MAN1B1: variants seen among roughly 807,000 people sequenced by gnomAD.
MAN1B1 encodes the protein mannosidase alpha class 1B member 1, also known as endoplasmic reticulum mannosyl-oligosaccharide 1,2-alpha-mannosidase.
A neutral mutation model predicts 75.5 loss-of-function variants in MAN1B1; 66 were observed. The ratio of observed to expected loss-of-function variants is 0.87; its 90% CI spans 0.72 to 1.07. The LOEUF (loss-of-function observed/expected upper bound fraction) is 1.07. MAN1B1 is among the 50% of genes least tolerant of loss of function. The pLI, the probability that MAN1B1 is intolerant of heterozygous loss-of-function variation, is 0.00. For missense variants in MAN1B1, 973 were observed against 912.5 expected, an observed-to-expected ratio of 1.07 and a Z score of -0.85; for synonymous variants, 453 against 382.8, an observed-to-expected ratio of 1.18 and a Z score of -2.14.
chr9:137,095,373 TA>T (rs1272042411), intron 3 of MAN1B1, among the ~76,000 whole-genome samples: 504 of 144,830 alleles, frequency 3.5e-3, no homozygotes, highest in African/African-American at 0.01. Context: ...TTTCCTTTTT[TA>T]AAAAAAAAAA....
At chr9:137,097,318 G>A (rs1321109512) in intron 4 of MAN1B1, among the ~76,000 whole-genome samples, 4 of 152,182 alleles carry the variant, frequency 2.6e-5, no homozygotes, top group Admixed American at 6.5e-5. Flanking sequence ...GAGAACGCTC[G>A]GGCCCAGCCA....
intron 8 of MAN1B1, 125 bp downstream of exon 8, chr9:137,101,797 ACACAAAACG>A (rs1324593656): frequency 1.7e-6 from 2 of 1,171,070 alleles, no homozygotes; most frequent in Non-Finnish European, 1.2e-6. Context: ...GTGATAAAAC[ACACAAAACG>A]CACCACCTTA....
Position 137,096,395 on chromosome 9 carries a change from C to T in MAN1B1, c.620+4C>T. 1 of 1,613,332 alleles carries T rather than the reference C, an allele frequency of 6.2e-7. No individual in the cohort carries two copies. ...ATCCGCAGAGGACAGTCATCAGGTA[C>T]AGAGCGCAGGGCAGGCTGCACGCCG... On this transcript the variant is annotated splice_donor_region_variant and intron_variant, in intron 4 of 12. Coordinates refer to ENST00000371589, the MANE Select transcript of MAN1B1 (RefSeq NM_016219.5).
intron 3 of MAN1B1, chr9:137,089,256 TTCCTC>T (rs1231444985): frequency 3.8e-5 from 20 of 529,316 alleles, no homozygotes; most frequent in Admixed American, 1.2e-4. Context: ...ACAGACCTGT[TTCCTC>T]TCAAGAGGCC....
At chr9:137,103,703 C>G in intron 8 of MAN1B1, 1 of 433,350 alleles carries the variant, frequency 2.3e-6, no homozygotes, top group Admixed American at 2.6e-5. Context: ...CACACTGTTG[C>G]AGGCGTGCAG....
rs772161635 is a variant in MAN1B1, at chr9:137,097,922, A to ACACAGGG, written c.720_726dup (p.Pro243GlyfsTer15). 5 of 1,557,018 alleles carry ACACAGGG rather than the reference A, an allele frequency of 3.2e-6. No homozygotes were observed. In the African/African-American group the frequency reaches 6.8e-5, roughly 21 times the overall value. ...CAAGCCTCCCCTGCCACCGGCCAGGACACAGGGCACACCAGGTGAGGCCAC... is the reference window on the plus strand; with the variant it reads ...CAAGCCTCCCCTGCCACCGGCCAGGACACAGGGCACAGGGCACACCAGGTGAGGCCAC... On this transcript the variant is annotated frameshift_variant, in exon 5 of 13. Coordinates refer to ENST00000371589, the MANE Select transcript of MAN1B1 (RefSeq NM_016219.5). LOFTEE classifies it high-confidence loss of function.
At chr9:137,103,941 A>G (rs1831000021) in intron 8 of MAN1B1, 1 of 450,766 alleles carries the variant, frequency 2.2e-6, no homozygotes, top group Non-Finnish European at 4.5e-6. Context: ...ATGCTGTTGC[A>G]GGCGTGCAGG....
At chr9:137,099,948 G>A in intron 6 of MAN1B1, 67 bp downstream of exon 6, 1 of 1,576,642 alleles carries the variant, frequency 6.3e-7, no homozygotes, top group Non-Finnish European at 8.7e-7. Context: ...GGCAGAGTGT[G>A]GGTTGCACAC....
Position 137,096,233 on chromosome 9 carries a change from A to G in MAN1B1, c.466-4A>G, listed in dbSNP as rs766062319. The G allele has an allele frequency of 9.3e-6, 15 of 1,614,030 alleles. No individual in the cohort carries two copies. The highest frequency in any genetic ancestry group is 4.4e-5 in the South Asian group (4 of 91,090). The stretch of plus-strand genomic sequence containing the variant: ...GATTTCCTGTGTGACCAATTTCTCT[A>G]CAGAAGACACAAAGACACATCCAGC... On this transcript the variant is annotated splice_polypyrimidine_tract_variant and splice_region_variant and intron_variant, in intron 3 of 12. Transcript: ENST00000371589.
chr9:137,109,036 C>T lies in MAN1B1; in HGVS notation c.*445C>T, dbSNP rs1319355690. On this transcript the variant is annotated 3_prime_UTR_variant, in exon 13 of 13. Coordinates refer to ENST00000371589, the MANE Select transcript of MAN1B1 (RefSeq NM_016219.5). ...ACTCCAGAGGCCTGAGGCTCCAGGG[C>T]TGGCTCTGGTGTTTACAAGCTGGAC... The T allele has an allele frequency of 2.2e-6, 1 of 458,490 alleles. No homozygotes were observed. The highest frequency in any genetic ancestry group is 2.3e-5 in the Admixed American group (1 of 42,596). 28.4% of individuals were successfully genotyped at this position (458,490 alleles called of 1,614,324 possible).
rs373009338 is a variant in MAN1B1 at position 137,088,678 on chromosome 9, G to T, written c.329-191G>T. 475 of 750,556 alleles carry T rather than the reference G, an allele frequency of 6.3e-4. 6 individuals are homozygous for T. In the African/African-American group the frequency reaches 7.4e-3, roughly 12 times the overall value. 46.5% of individuals were successfully genotyped at this position (750,556 alleles called of 1,614,324 possible). A position where few individuals can be genotyped will look rare whatever the true frequency, so the allele number is the denominator to read the frequency against. ...ATGTGGGGTTCTGTGTTATGGACAA[G>T]GACACAAACTGCCAAGTGTTTTGAA... On this transcript the variant is annotated intron_variant, in intron 2 of 12. Coordinates refer to ENST00000371589, the MANE Select transcript of MAN1B1 (RefSeq NM_016219.5).
In MAN1B1 at chr9:137,108,423, C is replaced by T. The variant is rs34355967; in HGVS notation, c.1932C>T (p.Val644=). Residue 644 remains valine, a synonymous_variant, in exon 13 of 13, where the codon GTC becomes GTT. Coordinates refer to ENST00000371589, the MANE Select transcript of MAN1B1 (RefSeq NM_016219.5). ...GTGGCTATTCTTCCATCAACAATGT[C>T]CAGGATCCTCAGAAGCCCGAGCCTA... is the stretch of plus-strand genomic sequence containing the variant. ...PSGGYSSINN[V]QDPQKPEPRD... is the part of the protein sequence containing the mutation. The T allele has an allele frequency of 0.012, 20,080 of 1,613,816 alleles. 162 individuals carry two copies. The highest frequency in any genetic ancestry group is 0.015 in the Non-Finnish European group (17,677 of 1,180,006).
Position 137,101,003 on chromosome 9 carries a change from A to G in MAN1B1, c.917-2A>G. On this transcript the variant is annotated splice_acceptor_variant, in intron 6 of 12. Transcript: ENST00000371589. LOFTEE classifies it high-confidence loss of function. ...TGCATCCTTTACTGTTTTATGTCAT[A>G]GAATTTGAGGAAGCCAGGAAGTGGG... The G allele has an allele frequency of 6.2e-7, 1 of 1,614,192 alleles. No homozygotes were observed. Among genetic ancestry groups the G allele is most frequent in the African/African-American group, 1.3e-5 (1 of 75,068 alleles).
In MAN1B1 at chr9:137,108,393, C is replaced by G; in HGVS notation, c.1902C>G (p.Pro634=). 6.2e-7 allele frequency: 1 copy of G among 1,613,610 alleles called. No individual in the cohort carries two copies. The highest frequency in any genetic ancestry group is 8.5e-7 in the Non-Finnish European group (1 of 1,179,968). Residue 634 remains proline, a synonymous_variant, in exon 13 of 13, where the codon CCC becomes CCG. Coordinates refer to ENST00000371589, the MANE Select transcript of MAN1B1 (RefSeq NM_016219.5). ...AGGCCCTGGCTGCTGCACAGGTCCC[C>G]TCGGGTGGCTATTCTTCCATCAACA... The part of the protein sequence containing the change: ...LQSFSRFTRV[P]SGGYSSINNV...
intron 3 of MAN1B1, among the ~76,000 whole-genome samples, chr9:137,094,649 C>T (rs556827872): frequency 1.7e-4 from 25 of 147,140 alleles, no homozygotes; most frequent in Admixed American, 1.3e-3. Flanking sequence ...GAGGCTGAGA[C>T]GGGTGGATTG....
intron 8 of MAN1B1, 69 bp downstream of exon 8, chr9:137,101,741 CT>C: frequency 1.4e-6 from 2 of 1,465,952 alleles, no homozygotes; most frequent in Non-Finnish European, 1.9e-6. Flanking sequence ...ACAGCAGGTA[CT>C]GTGTGTGTGT....
rs940541814 is a variant in MAN1B1 at position 137,088,480 on chromosome 9, T to A, written c.328+297T>A. On this transcript the variant is annotated intron_variant, in intron 2 of 12. Coordinates refer to ENST00000371589, the MANE Select transcript of MAN1B1 (RefSeq NM_016219.5). ...CACTCAGCCTAAATAACCACACAAATTTCGTAGCACTCATTAGCGTGTGTT... is the reference window on the plus strand; with the variant it reads ...CACTCAGCCTAAATAACCACACAAAATTCGTAGCACTCATTAGCGTGTGTT... The A allele has an allele frequency of 2.8e-6, 4 of 1,438,430 alleles. No homozygotes were observed. The African/African-American group carries it at 5.6e-5, about 20-fold the overall frequency. The allele number at this position is 1,438,430 out of a possible 1,614,324, so 89.1% of individuals were successfully genotyped here.
intron 8 of MAN1B1, chr9:137,103,046 G>C (rs1830930556): frequency 2.3e-6 from 1 of 434,516 alleles, no homozygotes; most frequent in Non-Finnish European, 4.5e-6. Flanking sequence ...TCACACTGTT[G>C]CAGGCGTGCA....
Position 137,087,025 on chromosome 9 carries a change from G to C in MAN1B1, c.26G>C (p.Ser9Thr), listed in dbSNP as rs140568381. 948 of 1,601,582 alleles carry C rather than the reference G, an allele frequency of 5.9e-4. 1 individual carries two copies. Among genetic ancestry groups the C allele is most frequent in the Non-Finnish European group, 7.3e-4 (860 of 1,175,956 alleles). MAACEGRR[S>T]GALGSSQSDF... is the part of the protein sequence containing the mutation. Reference sequence around the variant, plus strand: ...ATGGCTGCCTGCGAGGGCAGGAGAAGCGGAGCTCTCGGTTCCTCTCAGTCG... The same window carrying C: ...ATGGCTGCCTGCGAGGGCAGGAGAACCGGAGCTCTCGGTTCCTCTCAGTCG... Residue 9 changes from serine (S) to threonine (T), a missense_variant, in exon 1 of 13, where the codon AGC becomes ACC. Ser to Thr is a moderately conservative substitution (Grantham distance 58). Transcript: ENST00000371589.
Sources: gnomAD v4.1 joint callset for allele counts (sites outside exome capture counted in the v4.1 genomes callset) on GRCh38, gnomAD v4.1.1 for gene constraint, MANE v1.5 for transcripts, NCBI Gene and HGNC (gene_info 2026-07-23, HGNC 2026-07-21) for gene names.